Variants in NCAM2 observed in about 807,000 individuals in gnomAD.
NCAM2 encodes neural cell adhesion molecule 2.
A neutral mutation model predicts 98.1 loss-of-function variants in NCAM2; 30 were observed. That is an observed-to-expected ratio of 0.31 (90% CI 0.23 to 0.41). NCAM2 has a LOEUF of 0.41. Ranked by LOEUF, NCAM2 falls within the 10% of genes least tolerant of loss-of-function variation. The probability of loss-of-function intolerance (pLI) is 1.00; values close to 1 mark genes in which losing one functional copy is unlikely to be tolerated. For missense variants in NCAM2, 867 were observed against 1,005.8 expected (o/e 0.86, Z 1.87); for synonymous variants, 368 against 342.4 (o/e 1.07, Z -0.83).
At chr21:21,511,015 T>C (rs1289334804) in intron 16 of NCAM2, among the ~76,000 whole-genome samples, 1 of 152,040 alleles carries the variant, frequency 6.6e-6, no homozygotes, top group African/African-American at 2.4e-5. Flanking sequence ...TTTATACTTG[T>C]TGCATATGGG....
chr21:21,244,324 T>G (rs898689083), intron 1 of NCAM2, among the ~76,000 whole-genome samples: 2 of 152,186 alleles, frequency 1.3e-5, no homozygotes, highest in African/African-American at 4.8e-5. Flanking sequence ...AAATGTTTAT[T>G]TAGTATAAAT....
At chr21:21,474,170 T>A (rs2146247955) in intron 14 of NCAM2, among the ~76,000 whole-genome samples, 1 of 152,152 alleles carries the variant, frequency 6.6e-6, no homozygotes, top group East Asian at 1.9e-4. Flanking sequence ...ACACCCACTT[T>A]AATTTTTTTC....
In NCAM2 at chr21:21,297,833, A is replaced by G. The variant is rs1219942952; in HGVS notation, c.619+5592A>G. The stretch of plus-strand genomic sequence containing the variant: ...ATTTTATAAAATGTTCTTCTAACGT[A>G]TAGTGATTTATTATTTTATGAATAT... On this transcript the variant is annotated intron_variant, in intron 5 of 17. Coordinates refer to ENST00000400546, the MANE Select transcript of NCAM2 (RefSeq NM_004540.5). Among the ~76,000 whole-genome samples the G allele has an allele frequency of 2.0e-5, 3 of 151,872 alleles. 1 individual carries two copies. Among genetic ancestry groups the G allele is most frequent in the South Asian group, 4.1e-4 (2 of 4,832 alleles).
chr21:21,006,961 C>T (rs1010209254), intron 1 of NCAM2, among the ~76,000 whole-genome samples: 1 of 152,154 alleles, frequency 6.6e-6, no homozygotes, highest in Non-Finnish European at 1.5e-5. Flanking sequence ...GTAATTAAGA[C>T]TTTTATGGTT....
intron 5 of NCAM2, among the ~76,000 whole-genome samples, chr21:21,316,922 C>T (rs933900763): frequency 2.0e-5 from 3 of 152,148 alleles, no homozygotes; most frequent in African/African-American, 4.8e-5. Flanking sequence ...ATAAACCCCC[C>T]GGTGCCAAAT....
Position 21,046,242 on chromosome 21 carries a change from C to T in NCAM2, c.55+47624C>T, listed in dbSNP as rs543099547. ...TGTGAACTTGTTGGCAGCAAGGAAA[C>T]TGTTGTTACTTATCTTTTTGTATTG... On this transcript the variant is annotated intron_variant, in intron 1 of 17. Transcript: ENST00000400546. Among the ~76,000 whole-genome samples the T allele has an allele frequency of 8.5e-5, 13 of 152,272 alleles. No individual in the cohort carries two copies. In the South Asian group the frequency reaches 2.3e-3, roughly 27 times the overall value.
intron 1 of NCAM2, among the ~76,000 whole-genome samples, chr21:21,062,324 G>T (rs1453767042): frequency 6.6e-6 from 1 of 151,688 alleles, no homozygotes; most frequent in Non-Finnish European, 1.5e-5. Flanking sequence ...TTTCGCCTAA[G>T]TATACAGAAA....
At chr21:21,206,960 A>G (rs1376925777) in intron 1 of NCAM2, among the ~76,000 whole-genome samples, 1 of 152,146 alleles carries the variant, frequency 6.6e-6, no homozygotes. Context: ...GATGGCCAAT[A>G]TCCTTTTCTT....
At chr21:21,040,239 A>G (rs997482177) in intron 1 of NCAM2, among the ~76,000 whole-genome samples, 14 of 152,134 alleles carry the variant, frequency 9.2e-5, no homozygotes, top group African/African-American at 3.4e-4. Flanking sequence ...CCTTTTTATT[A>G]TTAAAGACTC....
chr21:21,303,829 T>C (rs1196154930), intron 5 of NCAM2, among the ~76,000 whole-genome samples: 1 of 152,130 alleles, frequency 6.6e-6, no homozygotes, highest in African/African-American at 2.4e-5. Flanking sequence ...ACATGTTTAG[T>C]GGTTTCATGT....
chr21:21,237,345 G>A (rs1042489226), intron 1 of NCAM2, among the ~76,000 whole-genome samples: 1 of 151,888 alleles, frequency 6.6e-6, no homozygotes, highest in African/African-American at 2.4e-5. Context: ...TCTATAATTA[G>A]CTCTGTCAGT....
chr21:21,233,192 T>C (rs1025121102), intron 1 of NCAM2, among the ~76,000 whole-genome samples: 1 of 151,584 alleles, frequency 6.6e-6, no homozygotes, highest in Non-Finnish European at 1.5e-5. Flanking sequence ...GTTTTGCTTT[T>C]AGTTCTACCT....
chr21:21,316,747 T>G (rs1420963744), intron 5 of NCAM2, among the ~76,000 whole-genome samples: 1 of 152,102 alleles, frequency 6.6e-6, no homozygotes, highest in Non-Finnish European at 1.5e-5. Context: ...TTTCACCTTC[T>G]TGGCCAGGCT....
intron 1 of NCAM2, among the ~76,000 whole-genome samples, chr21:21,100,987 A>G (rs2066229775): frequency 6.6e-6 from 1 of 150,722 alleles, no homozygotes; most frequent in African/African-American, 2.4e-5. Context: ...AATGTTCCCA[A>G]TTGTATTCCC....
At chr21:21,449,265 A>T (rs1980655088) in intron 12 of NCAM2, among the ~76,000 whole-genome samples, 1 of 152,028 alleles carries the variant, frequency 6.6e-6, no homozygotes, top group Admixed American at 6.6e-5. Context: ...TTATGTAAGA[A>T]AAATGTTTGT....
intron 1 of NCAM2, among the ~76,000 whole-genome samples, chr21:21,125,447 A>AATATATAATATT (rs2066778006): frequency 1.4e-4 from 4 of 28,636 alleles, no homozygotes; most frequent in East Asian, 9.3e-4. Context: ...TATATAATGT[A>AATATATAATATT]TTACATATAT....
At chr21:21,492,560 C>A (rs763389980) in intron 15 of NCAM2, among the ~76,000 whole-genome samples, 1 of 151,786 alleles carries the variant, frequency 6.6e-6, no homozygotes, top group Non-Finnish European at 1.5e-5. Context: ...GTTTTTTACA[C>A]ATATTTTGAT....
At chr21:21,143,317 T>C in intron 1 of NCAM2, among the ~76,000 whole-genome samples, 1 of 152,224 alleles carries the variant, frequency 6.6e-6, no homozygotes, top group East Asian at 1.9e-4. Flanking sequence ...TATAGGGTTA[T>C]TGAAAATTTT....
chr21:21,394,590 G>A (rs113360089), intron 9 of NCAM2, among the ~76,000 whole-genome samples: 15 of 141,664 alleles, frequency 1.1e-4, no homozygotes, highest in Non-Finnish European at 2.0e-4. Context: ...CCGGGTTCAC[G>A]CCATTCTCCT....
Sources: gnomAD v4.1 joint callset for allele counts (sites outside exome capture counted in the v4.1 genomes callset) on GRCh38, gnomAD v4.1.1 for gene constraint, MANE v1.5 for transcripts, NCBI Gene and HGNC (gene_info 2026-07-23, HGNC 2026-07-21) for gene names.